The following RNF43 variants were observed in gnomAD, a reference collection of about 807,000 sequenced individuals.
RNF43 encodes the protein E3 ubiquitin-protein ligase RNF43.
Under a neutral mutation model 78.4 loss-of-function variants are expected in RNF43, and 37 were observed. The ratio of observed to expected loss-of-function variants is 0.47; its 90% CI spans 0.36 to 0.62. RNF43 has a LOEUF of 0.62. Ranked by LOEUF, RNF43 falls within the 20% of genes least tolerant of loss-of-function variation. The probability of loss-of-function intolerance (pLI) is 0.00; values close to 1 mark genes in which losing one functional copy is unlikely to be tolerated. For synonymous variants in RNF43, 347 were observed against 395.0 expected, an observed-to-expected ratio of 0.88 and a Z score of 1.44; for missense variants, 774 against 1,007.9, an observed-to-expected ratio of 0.77 and a Z score of 3.14.
chr17:58,369,520 G>A (rs940932307), intron 3 of RNF43, among the ~76,000 whole-genome samples: 2 of 152,226 alleles, frequency 1.3e-5, no homozygotes, highest in Non-Finnish European at 2.9e-5. Flanking sequence ...GGCCGGGAGT[G>A]TCACTCTCCT....
chr17:58,394,876 T>C (rs1973643344), intron 2 of RNF43: 1 of 152,240 alleles, frequency 6.6e-6, no homozygotes, highest in Non-Finnish European at 1.5e-5. Context: ...AATAGCCCTC[T>C]TTCATCCTCC....
At chr17:58,353,584 A>G, downstream of RNF43, 1 of 208,028 alleles carries the variant, frequency 4.8e-6, no homozygotes. Context: ...CTCTGATAAC[A>G]TAAATAATTT....
In RNF43 at chr17:58,360,340, C is replaced by T; in HGVS notation, c.850-89G>A. ...GACATCCCCCAACTCCCTTAGGCCT[C>T]TCCTTGCTATTATCTACTTGTAAAA... On this transcript the variant is annotated intron_variant, in intron 7 of 9. Coordinates refer to ENST00000407977, the MANE Select transcript of RNF43 (RefSeq NM_017763.6). The surrounding 1 kb of genome is among the most constrained non-coding windows in gnomAD (Gnocchi z 4.3). The T allele has an allele frequency of 1.1e-6, 1 of 890,792 alleles. No homozygotes were observed. Among genetic ancestry groups the T allele is most frequent in the Middle Eastern group, 2.2e-4 (1 of 4,586 alleles). The allele number at this position is 890,792 out of a possible 1,614,324, so 55.2% of individuals were successfully genotyped here. A position where few individuals can be genotyped will look rare whatever the true frequency, so the allele number is the denominator to read the frequency against.
rs1222195811 is a variant in RNF43, at chr17:58,415,766, G to T, written c.-189C>A. 2 of 633,540 alleles carry T rather than the reference G, an allele frequency of 3.2e-6. No individual in the cohort carries two copies. The highest frequency in any genetic ancestry group is 2.7e-5 in the East Asian group (1 of 36,410). 39.2% of individuals were successfully genotyped at this position (633,540 alleles called of 1,614,324 possible). On this transcript the variant is annotated 5_prime_UTR_variant, in exon 2 of 10. Coordinates refer to ENST00000407977, the MANE Select transcript of RNF43 (RefSeq NM_017763.6). ...CCAAAAACAGGTAGCATTCCTGATT[G>T]GGCAGAGAAGAGGATATTTTCAGCC... is the stretch of plus-strand genomic sequence containing the variant.
chr17:58,354,655 C>T lies in RNF43; in HGVS notation c.*288G>A, dbSNP rs1972645842. ...AGCTTTCTGCCCTCAAAAACTCAGC[C>T]TTCAAGGGATCCAGCCCACACACGC... On this transcript the variant is annotated 3_prime_UTR_variant, in exon 10 of 10. Coordinates refer to ENST00000407977, the MANE Select transcript of RNF43 (RefSeq NM_017763.6). 6.1e-6 allele frequency: 3 copies of T among 493,570 alleles called. No homozygotes were observed. Among genetic ancestry groups the T allele is most frequent in the Non-Finnish European group, 1.1e-5 (3 of 268,066 alleles). The allele number at this position is 493,570 out of a possible 1,614,324, so 30.6% of individuals were successfully genotyped here.
rs774211426 is a variant in RNF43, at chr17:58,363,396, G to A, written c.461C>T (p.Pro154Leu). The stretch of plus-strand genomic sequence containing the variant: ...CACCACTGGCCAGGTCAGCCCCAGC[G>A]GCTGCTGCAGCTACAGGGGGAAAGT... ...DRAAAEQLQQ[P>L]LGLTWPVVLI... The change falls in exon 5 of 10, where the codon CCG becomes CTG. Residue 154 changes from proline (P) to leucine (L), a missense_variant. Pro to Leu is a moderately conservative substitution (Grantham distance 98). Coordinates refer to ENST00000407977, the MANE Select transcript of RNF43 (RefSeq NM_017763.6). The A allele has an allele frequency of 2.5e-6, 4 of 1,614,140 alleles. No homozygotes were observed. The highest frequency in any genetic ancestry group is 2.5e-6 in the Non-Finnish European group (3 of 1,180,010).
At chr17:58,370,067 T>G (rs1334115252) in intron 3 of RNF43, among the ~76,000 whole-genome samples, 1 of 99,154 alleles carries the variant, frequency 1.0e-5, no homozygotes, top group Non-Finnish European at 2.3e-5. Flanking sequence ...TGAGTTTTTT[T>G]TTTTTTTTTT....
At chr17:58,406,755 CT>C (rs1213791214) in intron 2 of RNF43, among the ~76,000 whole-genome samples, 43 of 144,108 alleles carry the variant, frequency 3.0e-4, no homozygotes, top group Non-Finnish European at 4.1e-4. Flanking sequence ...GAAATCTATA[CT>C]TTTTTTTTTT....
intron 2 of RNF43, chr17:58,402,697 A>G (rs916883686): frequency 6.6e-6 from 1 of 152,244 alleles, no homozygotes; most frequent in Non-Finnish European, 1.5e-5. Context: ...TAAATTGTCT[A>G]TTCAGGTCCC....
chr17:58,389,150 C>A (rs761805810), intron 2 of RNF43, among the ~76,000 whole-genome samples: 5 of 151,900 alleles, frequency 3.3e-5, no homozygotes, highest in Non-Finnish European at 5.9e-5. Context: ...GAGAGCTGTT[C>A]CAGTAATCTA....
Position 58,354,854 on chromosome 17 carries a change from C to A in RNF43, c.*89G>T. 1.7e-6 allele frequency: 2 copies of A among 1,177,008 alleles called. No homozygotes were observed. Among genetic ancestry groups the A allele is most frequent in the South Asian group, 2.5e-5 (2 of 81,128 alleles). 72.9% of individuals were successfully genotyped at this position (1,177,008 alleles called of 1,614,324 possible). On this transcript the variant is annotated 3_prime_UTR_variant, in exon 10 of 10. Transcript: ENST00000407977. ...CAAAAAGAATGGTGTTTGCTGTGGTCCTTTCCTTTCCCAGGAGCAGGACTC... is the reference window on the plus strand; with the variant it reads ...CAAAAAGAATGGTGTTTGCTGTGGTACTTTCCTTTCCCAGGAGCAGGACTC...
At chr17:58,380,897 T>C (rs1037537685) in intron 2 of RNF43, among the ~76,000 whole-genome samples, 1 of 152,238 alleles carries the variant, frequency 6.6e-6, no homozygotes, top group Non-Finnish European at 1.5e-5. Flanking sequence ...CACAACTGGC[T>C]TGCCCTGGGG....
chr17:58,390,176 T>C (rs1223327199), intron 2 of RNF43, among the ~76,000 whole-genome samples: 1 of 151,980 alleles, frequency 6.6e-6, no homozygotes, highest in Non-Finnish European at 1.5e-5. Flanking sequence ...AAATCCAGAA[T>C]ATGTAAAGGG....
Position 58,363,507 on chromosome 17 carries a change from C to T in RNF43, c.450+19G>A, listed in dbSNP as rs143954546. On this transcript the variant is annotated intron_variant, in intron 4 of 9. Transcript: ENST00000407977. ...CTCCATCCAGCCCCCACCTTGAACACGCAAATGTCCCTGGGTACCTGCTCA... is the reference window on the plus strand; with the variant it reads ...CTCCATCCAGCCCCCACCTTGAACATGCAAATGTCCCTGGGTACCTGCTCA... 237 of 1,610,962 alleles carry T rather than the reference C, an allele frequency of 1.5e-4. No homozygotes were observed. Among genetic ancestry groups the T allele is most frequent in the African/African-American group, 3.3e-4 (25 of 74,976 alleles).
intron 2 of RNF43, among the ~76,000 whole-genome samples, chr17:58,412,310 TG>T (rs1252389250): frequency 2.0e-5 from 3 of 152,078 alleles, no homozygotes; most frequent in African/African-American, 7.2e-5. Flanking sequence ...TAATAAAATT[TG>T]GACAGGACTA....
rs780231969 is a variant in RNF43 at position 58,362,563 on chromosome 17, C to T, written c.668G>A (p.Arg223His). ...GCTCACCGGCCTGCTGTGGCGGGGG[C>T]GGCACCGGATGCGCAGCACCGAAGC... ...ILASVLRIRC[R>H]PRHSRPDPLQ... The change falls in exon 6 of 10, where the codon CGC becomes CAC. Residue 223 changes from arginine (R) to histidine (H), a missense_variant. By Grantham distance (29) the Arg-to-His change is conservative. Coordinates refer to ENST00000407977, the MANE Select transcript of RNF43 (RefSeq NM_017763.6). 10 of 1,601,292 alleles carry T rather than the reference C, an allele frequency of 6.2e-6. No homozygotes were observed. Among genetic ancestry groups the T allele is most frequent in the South Asian group, 5.6e-5 (5 of 89,296 alleles).
At chr17:58,374,642 C>T (rs985348798) in intron 2 of RNF43, among the ~76,000 whole-genome samples, 3 of 152,092 alleles carry the variant, frequency 2.0e-5, no homozygotes, top group Non-Finnish European at 2.9e-5. Flanking sequence ...CTGCCTGCCT[C>T]GGCCTCCTAC....
chr17:58,391,403 A>G (rs1449601038), intron 2 of RNF43, among the ~76,000 whole-genome samples: 5 of 152,048 alleles, frequency 3.3e-5, no homozygotes, highest in African/African-American at 1.2e-4. Flanking sequence ...GAAATTAACG[A>G]TTTAGTTATT....
At chr17:58,409,175 G>T (rs1469504395) in intron 2 of RNF43, among the ~76,000 whole-genome samples, 1 of 152,082 alleles carries the variant, frequency 6.6e-6, no homozygotes, top group East Asian at 1.9e-4. Flanking sequence ...GTGCAACTTT[G>T]TTCTTAGATG....
Sources: allele counts gnomAD v4.1 joint callset (sites outside exome capture counted in the v4.1 genomes callset), GRCh38; gene constraint gnomAD v4.1.1; non-coding constraint Gnocchi (gnomAD v3.1); transcripts MANE v1.5; gene names NCBI Gene and HGNC (gene_info 2026-07-23, HGNC 2026-07-21).